The following EDN3 variants were observed in gnomAD, a reference collection of about 807,000 sequenced individuals.
The protein encoded by EDN3 is endothelin-3.
Under a neutral mutation model 21.4 loss-of-function variants are expected in EDN3, and 9 were observed. The observed-to-expected ratio is 0.42, with a 90% CI of 0.25 to 0.73. The LOEUF is 0.73. EDN3 is among the 30% of genes least tolerant of loss of function. The probability of loss-of-function intolerance (pLI) is 0.26; values close to 1 mark genes in which losing one functional copy is unlikely to be tolerated. For missense variants in EDN3, 327 were observed against 309.4 expected (o/e 1.06, Z -0.43); for synonymous variants, 133 against 126.2 (o/e 1.05, Z -0.36).
intron 4 of EDN3, among the ~76,000 whole-genome samples, chr20:59,323,266 C>G (rs755193566): frequency 1.3e-4 from 20 of 152,064 alleles, no homozygotes; most frequent in African/African-American, 2.9e-4. Flanking sequence ...AGACAGAGCC[C>G]GGGAGAGCAT....
At chr20:59,301,342 T>G in intron 1 of EDN3, 68 bp from the exon 2 acceptor site, 3 of 1,546,850 alleles carry the variant, frequency 1.9e-6, no homozygotes, top group Non-Finnish European at 2.6e-6. Context: ...TCCTCAGGTG[T>G]TTGGGGGTGG....
chr20:59,313,609 T>C (rs143390814), intron 2 of EDN3, among the ~76,000 whole-genome samples: 2 of 152,222 alleles, frequency 1.3e-5, no homozygotes, highest in African/African-American at 4.8e-5. Flanking sequence ...TTTCCAAATA[T>C]TCTAGAATCA....
Position 59,321,092 on chromosome 20 carries a change from G to A in EDN3, c.441G>A (p.Gly147=), listed in dbSNP as rs1990506951. 1 of 1,614,096 alleles carries A rather than the reference G, an allele frequency of 6.2e-7. No homozygotes were observed. Among genetic ancestry groups the A allele is most frequent in the African/African-American group, 1.3e-5 (1 of 74,934 alleles). The change falls in exon 3 of 5, where the codon GGG becomes GGA. Residue 147 remains glycine (G), a synonymous_variant. Transcript: ENST00000337938. ...RGKRSAGPLP[G]NLQLSHRPHL... is the part of the protein sequence containing the mutation. ...AGAGGTCTGCGGGGCCACTTCCAGG[G>A]AATCTGCAGCTCTCACATCGGCCAC...
intron 2 of EDN3, among the ~76,000 whole-genome samples, chr20:59,312,725 G>A (rs1989913443): frequency 6.6e-6 from 1 of 152,150 alleles, no homozygotes; most frequent in African/African-American, 2.4e-5. Flanking sequence ...AAAGGTCTAA[G>A]GCCTTCTCCA....
At chr20:59,301,871 C>A in intron 2 of EDN3, 149 bp downstream of exon 2, 2 of 917,768 alleles carry the variant, frequency 2.2e-6, no homozygotes, top group South Asian at 1.4e-5. Flanking sequence ...GGGCCTCTTG[C>A]CAGCCCAGGT....
At chr20:59,315,916 A>G (rs1487182919) in intron 2 of EDN3, among the ~76,000 whole-genome samples, 2 of 152,130 alleles carry the variant, frequency 1.3e-5, no homozygotes, top group African/African-American at 2.4e-5. Context: ...AAAAAACACT[A>G]TGGTTCACGC....
In EDN3 at chr20:59,322,558, C is replaced by T. The variant is rs1018399259; in HGVS notation, c.588+141C>T. ...ACCCCAGATCTCATGGGATGCTGCACCCACAAGCAATGGTGCCTTTGGTGG... is the reference window on the plus strand; with the variant it reads ...ACCCCAGATCTCATGGGATGCTGCATCCACAAGCAATGGTGCCTTTGGTGG... On this transcript the variant is annotated intron_variant, in intron 4 of 4. Coordinates refer to ENST00000337938, the MANE Select transcript of EDN3 (RefSeq NM_207034.3). This position sits in a 1 kb window ranked among gnomAD's most constrained non-coding sequence, Gnocchi z 4.1. 25 of 1,155,234 alleles carry T rather than the reference C, an allele frequency of 2.2e-5. No individual in the cohort carries two copies. The Admixed American group carries it at 2.5e-4, about 12-fold the overall frequency. The allele number at this position is 1,155,234 out of a possible 1,614,324, so 71.6% of individuals were successfully genotyped here. A position where few individuals can be genotyped will look rare whatever the true frequency, so the allele number is the denominator to read the frequency against.
At position 59,324,452 on chromosome 20, in the gene EDN3, C is replaced by T. The variant is rs770841292; in HGVS notation, c.710C>T (p.Ala237Val). Residue 237 changes from alanine to valine, a missense_variant, in exon 5 of 5, where the codon GCC becomes GTC. By Grantham distance (64) the Ala-to-Val change is moderately conservative. Coordinates refer to ENST00000337938, the MANE Select transcript of EDN3 (RefSeq NM_207034.3). ...TCPRCLFQEGAP is the reference protein window; with the variant it reads ...TCPRCLFQEGVP ...CCCCGCTGCCTCTTTCAGGAAGGAG[C>T]CCCTTAGGAGGACAGGCCTGCAGCA... The T allele has an allele frequency of 5.6e-6, 9 of 1,613,976 alleles. No homozygotes were observed. The highest frequency in any genetic ancestry group is 7.6e-6 in the Non-Finnish European group (9 of 1,180,016).
At chr20:59,311,196 A>G (rs138535688) in intron 2 of EDN3, among the ~76,000 whole-genome samples, 8 of 152,114 alleles carry the variant, frequency 5.3e-5, no homozygotes, top group Admixed American at 2.0e-4. Context: ...TCTAATAGAG[A>G]CTCAGTAGTT....
intron 2 of EDN3, among the ~76,000 whole-genome samples, chr20:59,311,629 A>G (rs1194496274): frequency 6.7e-6 from 1 of 150,188 alleles, no homozygotes; most frequent in Non-Finnish European, 1.5e-5. Context: ...TTGGGTTGCC[A>G]TCTTGGTTTT....
At position 59,300,723 on chromosome 20, in the gene EDN3, G is replaced by A; in HGVS notation, c.-90G>A. The A allele has an allele frequency of 7.2e-7, 1 of 1,385,718 alleles. No individual in the cohort carries two copies. Among genetic ancestry groups the A allele is most frequent in the Non-Finnish European group, 1.0e-6 (1 of 1,003,996 alleles). 85.8% of individuals were successfully genotyped at this position (1,385,718 alleles called of 1,614,324 possible). Reference sequence around the variant, plus strand: ...GGCCTCGAACCCCCACAGCTGGAGGGCGAGGCCAGCTGTACCCGGCCCCAG... The same window carrying A: ...GGCCTCGAACCCCCACAGCTGGAGGACGAGGCCAGCTGTACCCGGCCCCAG... On this transcript the variant is annotated 5_prime_UTR_variant, in exon 1 of 5. Coordinates refer to ENST00000337938, the MANE Select transcript of EDN3 (RefSeq NM_207034.3).
rs1001880369 is a variant in EDN3, at chr20:59,300,701, C to A, written c.-112C>A. On this transcript the variant is annotated 5_prime_UTR_variant, in exon 1 of 5. Transcript: ENST00000337938. Reference sequence around the variant, plus strand: ...GAGACGCAGCGAGCGATCGGCCGGCCTCGAACCCCCACAGCTGGAGGGCGA... The same window carrying A: ...GAGACGCAGCGAGCGATCGGCCGGCATCGAACCCCCACAGCTGGAGGGCGA... 1 of 1,156,856 alleles carries A rather than the reference C, an allele frequency of 8.6e-7. No individual in the cohort carries two copies. The highest frequency in any genetic ancestry group is 1.2e-6 in the Non-Finnish European group (1 of 812,388). 71.7% of individuals were successfully genotyped at this position (1,156,856 alleles called of 1,614,324 possible). A position where few individuals can be genotyped will look rare whatever the true frequency, so the allele number is the denominator to read the frequency against.
At chr20:59,316,636 GAAAT>G (rs1463732323) in intron 2 of EDN3, among the ~76,000 whole-genome samples, 1 of 152,194 alleles carries the variant, frequency 6.6e-6, no homozygotes, top group African/African-American at 2.4e-5. Context: ...CTTGTAGAGA[GAAAT>G]AAAGCGTTTT....
At chr20:59,314,614 G>C (rs1990059315) in intron 2 of EDN3, among the ~76,000 whole-genome samples, 1 of 152,156 alleles carries the variant, frequency 6.6e-6, no homozygotes, top group African/African-American at 2.4e-5. Flanking sequence ...TCTTGGGAGA[G>C]AGTGGGTCCT....
chr20:59,308,518 C>T (rs197188), intron 2 of EDN3, among the ~76,000 whole-genome samples: 11,033 of 152,192 alleles, frequency 0.072, 1,141 homozygotes, highest in African/African-American at 0.23. Context: ...ACTGTGGGCT[C>T]GAATGCCTGG....
At chr20:59,304,639 C>G (rs528031377) in intron 2 of EDN3, among the ~76,000 whole-genome samples, 30 of 152,230 alleles carry the variant, frequency 2.0e-4, no homozygotes, top group African/African-American at 6.5e-4. Flanking sequence ...TTGCTCCCTT[C>G]GAGGATCTGA....
At chr20:59,315,464 A>G (rs1990114777) in intron 2 of EDN3, among the ~76,000 whole-genome samples, 1 of 152,238 alleles carries the variant, frequency 6.6e-6, no homozygotes, top group South Asian at 2.1e-4. Context: ...TCAACTTGAC[A>G]TGTATCCTAA....
At chr20:59,303,083 C>T (rs994517803) in intron 2 of EDN3, among the ~76,000 whole-genome samples, 1 of 152,242 alleles carries the variant, frequency 6.6e-6, no homozygotes, top group Non-Finnish European at 1.5e-5. Context: ...AAGTCCTGCA[C>T]TCAGAAAGAC....
chr20:59,300,774 G>T lies in EDN3; in HGVS notation c.-39G>T, dbSNP rs1377892554. On this transcript the variant is annotated 5_prime_UTR_variant, in exon 1 of 5. Coordinates refer to ENST00000337938, the MANE Select transcript of EDN3 (RefSeq NM_207034.3). ...TGCCCTTTCGCGGCCACAAGCGGCC[G>T]TCCTCCTGGTCCGGTGCTCCGGCGC... 3 of 1,597,666 alleles carry T rather than the reference G, an allele frequency of 1.9e-6. No homozygotes were observed. The highest frequency in any genetic ancestry group is 1.7e-6 in the Non-Finnish European group (2 of 1,173,718).
Sources: allele counts gnomAD v4.1 joint callset (sites outside exome capture counted in the v4.1 genomes callset), GRCh38; gene constraint gnomAD v4.1.1; non-coding constraint Gnocchi (gnomAD v3.1); transcripts MANE v1.5; gene names NCBI Gene and HGNC (gene_info 2026-07-23, HGNC 2026-07-21).